PISD: variants seen among roughly 807,000 people sequenced by gnomAD.
PISD encodes the protein phosphatidylserine decarboxylase, also known as phosphatidylserine decarboxylase proenzyme, mitochondrial.
PISD carries 31 observed loss-of-function variants against 43.5 expected under a neutral mutation model. The ratio of observed to expected loss-of-function variants is 0.71; its 90% CI spans 0.54 to 0.96. The LOEUF is 0.96. PISD is among the 40% of genes least tolerant of loss of function. PISD has a pLI of 0.00. For missense variants in PISD, 523 were observed against 548.4 expected (o/e 0.95, Z 0.46); for synonymous variants, 259 against 228.7 (o/e 1.13, Z -1.20).
chr22:31,641,069 T>A (rs2073710957), intron 3 of PISD, among the ~76,000 whole-genome samples: 1 of 149,986 alleles, frequency 6.7e-6, no homozygotes, highest in Admixed American at 6.7e-5. Context: ...TTGTATTTAG[T>A]AGAAGAGGGG....
intron 3 of PISD, among the ~76,000 whole-genome samples, chr22:31,632,833 G>A (rs1219694701): frequency 6.6e-6 from 1 of 152,178 alleles, no homozygotes; most frequent in Admixed American, 6.6e-5. Flanking sequence ...AATGTTTGGG[G>A]TCTTTAAAAG....
chr22:31,620,254 C>A (rs1016500311), intron 7 of PISD, among the ~76,000 whole-genome samples: 6 of 152,230 alleles, frequency 3.9e-5, no homozygotes, highest in Non-Finnish European at 8.8e-5. Context: ...CCTTTCTGTT[C>A]CCTCCTCACT....
chr22:31,620,432 C>A, intron 7 of PISD, 121 bp downstream of exon 7: 1 of 977,050 alleles, frequency 1.0e-6, no homozygotes, highest in Non-Finnish European at 1.5e-6. Flanking sequence ...CAGAGCCAGG[C>A]CTGACCAGAG....
intron 3 of PISD, chr22:31,623,844 T>G: frequency 6.2e-7 from 1 of 1,612,950 alleles, no homozygotes; most frequent in South Asian, 1.1e-5. Context: ...CTGGGGGAAG[T>G]GCAACCTGCA....
chr22:31,623,855 G>A, intron 3 of PISD: 1 of 1,612,056 alleles, frequency 6.2e-7, no homozygotes, highest in Admixed American at 1.7e-5. Context: ...GCAACCTGCA[G>A]GGCACAGGTC....
intron 1 of PISD, among the ~76,000 whole-genome samples, chr22:31,652,870 CT>C (rs1277028211): frequency 6.6e-6 from 1 of 151,938 alleles, no homozygotes; most frequent in East Asian, 1.9e-4. Flanking sequence ...GAAACCCCAT[CT>C]GTACAAAAAA....
At chr22:31,623,545 C>A in intron 3 of PISD, 2 of 888,520 alleles carry the variant, frequency 2.3e-6, no homozygotes, top group Non-Finnish European at 3.4e-6. Context: ...CACCAATGAA[C>A]CTTCCGACCC....
chr22:31,627,738 C>T (rs2072986647), intron 3 of PISD, among the ~76,000 whole-genome samples: 1 of 152,234 alleles, frequency 6.6e-6, no homozygotes, highest in Admixed American at 6.5e-5. Flanking sequence ...CGACCACAGC[C>T]CTGAATGTAT....
At chr22:31,660,720 C>T (rs1276189355) in intron 1 of PISD, among the ~76,000 whole-genome samples, 1 of 152,068 alleles carries the variant, frequency 6.6e-6, no homozygotes, top group Admixed American at 6.6e-5. Flanking sequence ...CCTTTCAATT[C>T]GTGACACACT....
chr22:31,620,535 G>A lies in PISD; in HGVS notation c.1005+18C>T. 6.2e-7 allele frequency: 1 copy of A among 1,613,810 alleles called. No homozygotes were observed. The highest frequency in any genetic ancestry group is 8.5e-7 in the Non-Finnish European group (1 of 1,179,722). ...AGGTCTGGCCCTTGGGCTTTGGCAG[G>A]GCCTAGATCCTGCTTACCCGGTCAA... is the stretch of plus-strand genomic sequence containing the variant. On this transcript the variant is annotated intron_variant, in intron 7 of 7. Transcript: ENST00000439502.
chr22:31,638,323 C>T (rs1357328842), intron 3 of PISD: 12 of 975,324 alleles, frequency 1.2e-5, no homozygotes, highest in Admixed American at 6.2e-5. Flanking sequence ...AGAGTCTGGA[C>T]GGCCACCCCT....
intron 1 of PISD, among the ~76,000 whole-genome samples, chr22:31,656,200 C>T (rs568147195): frequency 6.6e-5 from 10 of 152,052 alleles, no homozygotes; most frequent in East Asian, 1.9e-4. Flanking sequence ...AAAAATTAGA[C>T]GGGTGTGATG....
intron 3 of PISD, 45 bp from the exon 4 acceptor site, chr22:31,621,930 G>A: frequency 5.8e-6 from 8 of 1,390,684 alleles, no homozygotes; most frequent in Non-Finnish European, 6.1e-6. Flanking sequence ...CACTGCCCCA[G>A]CTCCAGAGAG....
chr22:31,627,664 G>A lies in PISD; in HGVS notation c.322-5779C>T, dbSNP rs561332289. Among the ~76,000 whole-genome samples, 449 of 152,346 alleles carry A rather than the reference G, an allele frequency of 2.9e-3. 1 individual carries two copies. Among genetic ancestry groups the A allele is most frequent in the African/African-American group, 0.01 (436 of 41,582 alleles). On this transcript the variant is annotated intron_variant, in intron 3 of 7. Transcript: ENST00000439502. ...TGGCCTTGAGGGGAGGCAGAGAGGA[G>A]GGGCCTTGGGGAGCCCCAGCCTCCT...
chr22:31,643,671 A>C (rs1569489978), intron 3 of PISD, among the ~76,000 whole-genome samples: 1 of 152,208 alleles, frequency 6.6e-6, no homozygotes, highest in Non-Finnish European at 1.5e-5. Context: ...GCACTTTGGG[A>C]GGCCAAGGTG....
chr22:31,619,943 A>C (rs2072409992), intron 7 of PISD, 107 bp from the exon 8 acceptor site: 1 of 731,176 alleles, frequency 1.4e-6, no homozygotes, highest in East Asian at 2.7e-5. Flanking sequence ...CCCCACCACC[A>C]CCCAACCCAG....
In PISD at chr22:31,661,273, T is replaced by G. The variant is rs930061113; in HGVS notation, c.65+871A>C. Among the ~76,000 whole-genome samples, 7 of 152,084 alleles carry G rather than the reference T, an allele frequency of 4.6e-5. 2 individuals are homozygous for G. The highest frequency in any genetic ancestry group is 4.4e-5 in the Non-Finnish European group (3 of 68,032). On this transcript the variant is annotated intron_variant, in intron 1 of 7. Transcript: ENST00000439502. ...CAGTGTCCGTCTCCTCCCAAAACAA[T>G]AGGTTATCCTCTGATCAACGCTGAC...
intron 1 of PISD, among the ~76,000 whole-genome samples, chr22:31,655,041 A>G (rs755126159): frequency 1.9e-3 from 265 of 141,132 alleles, no homozygotes; most frequent in Non-Finnish European, 3.2e-3. Flanking sequence ...ACGCCATTGC[A>G]CTCCAGCCTG....
chr22:31,618,554 C>T lies in PISD; in HGVS notation c.*1058G>A. On this transcript the variant is annotated 3_prime_UTR_variant, in exon 8 of 8. Transcript: ENST00000439502. ...ATTAAATGAATTACTGTTCAGAAGTCTCCCACTTTTCATACAAAAATACTG... is the reference window on the plus strand; with the variant it reads ...ATTAAATGAATTACTGTTCAGAAGTTTCCCACTTTTCATACAAAAATACTG... The T allele has an allele frequency of 3.4e-6, 3 of 895,436 alleles. No individual in the cohort carries two copies. Among genetic ancestry groups the T allele is most frequent in the South Asian group, 2.5e-5 (1 of 39,558 alleles). The allele number at this position is 895,436 out of a possible 1,614,324, so 55.5% of individuals were successfully genotyped here. A position where few individuals can be genotyped will look rare whatever the true frequency, so the allele number is the denominator to read the frequency against.
Sources: gnomAD v4.1 joint callset for allele counts (sites outside exome capture counted in the v4.1 genomes callset) on GRCh38, gnomAD v4.1.1 for gene constraint, MANE v1.5 for transcripts, NCBI Gene and HGNC (gene_info 2026-07-23, HGNC 2026-07-21) for gene names.